The following DYNC2I1 variants were observed in gnomAD, a reference collection of about 807,000 sequenced individuals.
The protein encoded by DYNC2I1 is cytoplasmic dynein 2 intermediate chain 1.
In DYNC2I1, 89 loss-of-function variants were observed where a neutral mutation model predicts 133.4. That is an observed-to-expected ratio of 0.67 (90% CI 0.56 to 0.80). The LOEUF (loss-of-function observed/expected upper bound fraction) is 0.80. Among genes scored for constraint, DYNC2I1 ranks in the 30% least tolerant of loss-of-function variants. The pLI is 0.00. For missense variants in DYNC2I1, 1,291 were observed against 1,314.5 expected, an observed-to-expected ratio of 0.98 and a Z score of 0.28; for synonymous variants, 504 against 484.3, an observed-to-expected ratio of 1.04 and a Z score of -0.54.
In DYNC2I1 at chr7:158,891,286, TC is replaced by T; in HGVS notation, c.1013del (p.Ser338LeufsTer25). The T allele has an allele frequency of 6.2e-7, 1 of 1,614,064 alleles. No homozygotes were observed. The highest frequency in any genetic ancestry group is 1.1e-5 in the South Asian group (1 of 91,092). ...TTAGCATGGCCACGAGGAAGGCTCT[TC>T]TGTGTGGTGGAAGCTGGACCAGAGG... Reference protein sequence around the residue: ...RRKHGHEEGSSVWWKLDQRPG... With the variant: ...RRKHGHEEGSXVWWKLDQRPG... On this transcript the variant is annotated frameshift_variant, in exon 8 of 25. Transcript: ENST00000407559. LOFTEE classifies it high-confidence loss of function.
intron 10 of DYNC2I1, 108 bp from the exon 11 acceptor site, chr7:158,905,881 A>G (rs2129483980): frequency 1.3e-6 from 1 of 759,392 alleles, no homozygotes; most frequent in Non-Finnish European, 2.2e-6. Context: ...TGAAGGGTTT[A>G]TTGACTATAA....
In DYNC2I1 at chr7:158,926,183, C is replaced by G. The variant is rs1460602169; in HGVS notation, c.2258-4C>G. On this transcript the variant is annotated splice_polypyrimidine_tract_variant and splice_region_variant and intron_variant, in intron 17 of 24. Transcript: ENST00000407559. ...CGTGGATGCTGTGGGCTTTTGAACT[C>G]CAGATGGAATCCTTACCTCAGTAAA... The G allele has an allele frequency of 6.2e-7, 1 of 1,609,860 alleles. No individual in the cohort carries two copies. Among genetic ancestry groups the G allele is most frequent in the East Asian group, 2.2e-5 (1 of 44,838 alleles).
chr7:158,928,807 C>A (rs1849890621), intron 20 of DYNC2I1, among the ~76,000 whole-genome samples: 1 of 151,998 alleles, frequency 6.6e-6, no homozygotes, highest in Non-Finnish European at 1.5e-5. Flanking sequence ...CCCCTTCACA[C>A]CCAGGATTCC....
At chr7:158,839,427 A>G in the DYNC2I1 span, among the ~76,000 whole-genome samples, 2 of 151,578 alleles carry the variant, frequency 1.3e-5, no homozygotes, top group African/African-American at 4.9e-5. Flanking sequence ...ACCTGACTGC[A>G]AAACCTAAAG....
chr7:158,957,906 C>G (rs1291034677), downstream of DYNC2I1, among the ~76,000 whole-genome samples: 1 of 152,260 alleles, frequency 6.6e-6, no homozygotes, highest in Non-Finnish European at 1.5e-5. Context: ...CTGAGGCCAG[C>G]CCTTCCTGAC....
rs115253208 is a variant in DYNC2I1, at chr7:158,865,387, C to T, written c.16-4468C>T. Among the ~76,000 whole-genome samples the T allele has an allele frequency of 3.7e-3, 564 of 152,274 alleles. 10 individuals carry two copies. The highest frequency in any genetic ancestry group is 0.012 in the African/African-American group (510 of 41,544). ...TGTTCAGGGTTCTTACTGTACAGTT[C>T]TCAATAGAATTTTGTTATGAAAAGG... On this transcript the variant is annotated intron_variant, in intron 1 of 24. Transcript: ENST00000407559.
At chr7:158,849,566 A>G in the DYNC2I1 span, among the ~76,000 whole-genome samples, 7 of 152,232 alleles carry the variant, frequency 4.6e-5, no homozygotes, top group Admixed American at 2.6e-4. Context: ...GGAGACCCAC[A>G]GTGGATAGCT....
chr7:158,907,272 T>TC (rs1491288402), intron 11 of DYNC2I1, among the ~76,000 whole-genome samples: 2 of 134,508 alleles, frequency 1.5e-5, no homozygotes, highest in African/African-American at 5.7e-5. Context: ...CCCATGGCCT[T>TC]CTTTTTTTTT....
At chr7:158,878,826 A>G (rs145402372) in intron 4 of DYNC2I1, among the ~76,000 whole-genome samples, 17,933 of 131,202 alleles carry the variant, frequency 0.14, 1,285 homozygotes, top group Middle Eastern at 0.24. Flanking sequence ...AGGAGGGCCG[A>G]CTGTGAGTGC....
chr7:158,949,856 C>T (rs1852001386), downstream of DYNC2I1, among the ~76,000 whole-genome samples: 2 of 152,094 alleles, frequency 1.3e-5, no homozygotes, highest in Admixed American at 1.3e-4. Flanking sequence ...ACCGCAACCT[C>T]CGCCTCCCAG....
intron 8 of DYNC2I1, among the ~76,000 whole-genome samples, chr7:158,899,222 T>C (rs571067256): frequency 5.9e-5 from 9 of 152,310 alleles, no homozygotes; most frequent in East Asian, 3.9e-4. Flanking sequence ...ATTTTAAAAT[T>C]TGTATTATTT....
At chr7:158,862,913 G>A (rs543235596) in intron 1 of DYNC2I1, among the ~76,000 whole-genome samples, 88 of 152,040 alleles carry the variant, frequency 5.8e-4, no homozygotes, top group Middle Eastern at 3.4e-3. Context: ...TAAAGATGGC[G>A]CATCTGGAGT....
At chr7:158,912,658 A>C (rs1022541198) in intron 12 of DYNC2I1, among the ~76,000 whole-genome samples, 6 of 152,152 alleles carry the variant, frequency 3.9e-5, no homozygotes, top group African/African-American at 1.2e-4. Context: ...TAGTAACAAA[A>C]CTGATTTCAC....
intron 4 of DYNC2I1, 131 bp downstream of exon 4, chr7:158,876,822 C>A: frequency 2.5e-6 from 3 of 1,197,540 alleles, no homozygotes; most frequent in Non-Finnish European, 3.4e-6. Flanking sequence ...AGGCCTCCAG[C>A]ACTGTGTATA....
chr7:158,948,585 A>AT (rs35308025), downstream of DYNC2I1, among the ~76,000 whole-genome samples: 1 of 152,010 alleles, frequency 6.6e-6, no homozygotes, highest in East Asian at 1.9e-4. Flanking sequence ...TGCTCAGTGA[A>AT]GGTGGCGCGG....
chr7:158,926,217 G>T lies in DYNC2I1; in HGVS notation c.2288G>T (p.Ser763Ile). The change falls in exon 18 of 25, where the codon AGC becomes ATC. Residue 763 changes from serine to isoleucine, a missense_variant. Transcript: ENST00000407559. Reference sequence around the variant, plus strand: ...ATCCTTACCTCAGTAAACCACCGAAGCCCTCTTCAAGCAGTAGAACCTATC... The same window carrying T: ...ATCCTTACCTCAGTAAACCACCGAATCCCTCTTCAAGCAGTAGAACCTATC... ...DGILTSVNHR[S>I]PLQAVEPIST... is the part of the protein sequence containing the mutation. 1 of 1,613,608 alleles carries T rather than the reference G, an allele frequency of 6.2e-7. No homozygotes were observed. Among genetic ancestry groups the T allele is most frequent in the Non-Finnish European group, 8.5e-7 (1 of 1,179,756 alleles).
chr7:158,871,616 G>C (rs2129477531), intron 3 of DYNC2I1, 54 bp downstream of exon 3: 1 of 1,336,278 alleles, frequency 7.5e-7, no homozygotes, highest in South Asian at 1.5e-5. Flanking sequence ...CGTCGCTGCT[G>C]GTGACAGGTT....
intron 5 of DYNC2I1, among the ~76,000 whole-genome samples, chr7:158,881,749 G>A (rs185146408): frequency 4.6e-5 from 7 of 152,218 alleles, no homozygotes; most frequent in African/African-American, 7.2e-5. Flanking sequence ...TACCGCGCCC[G>A]GCCATTTTTT....
intron 4 of DYNC2I1, 120 bp downstream of exon 4, chr7:158,876,811 A>G: frequency 7.6e-7 from 1 of 1,322,392 alleles, no homozygotes; most frequent in Non-Finnish European, 1.0e-6. Flanking sequence ...AGTCCTGGAA[A>G]AGGCCTCCAG....
Sources: allele counts gnomAD v4.1 joint callset (sites outside exome capture counted in the v4.1 genomes callset), GRCh38; gene constraint gnomAD v4.1.1; transcripts MANE v1.5; gene names NCBI Gene and HGNC (gene_info 2026-07-23, HGNC 2026-07-21).